USH1C: variants seen among roughly 807,000 people sequenced by gnomAD.
The protein encoded by USH1C is harmonin.
A neutral mutation model predicts 119.3 loss-of-function variants in USH1C; 90 were observed. The ratio of observed to expected loss-of-function variants is 0.75; its 90% CI spans 0.64 to 0.90. The LOEUF is 0.90. USH1C is among the 40% of genes least tolerant of loss of function. USH1C has a pLI of 0.00. For missense variants in USH1C, 1,165 were observed against 1,167.7 expected (o/e 1.00, Z 0.03); for synonymous variants, 465 against 443.3 (o/e 1.05, Z -0.62).
Position 17,494,195 on chromosome 11 carries a change from C to T in USH1C, c.*137G>A, listed in dbSNP as rs1001900927. 1.6e-5 allele frequency: 18 copies of T among 1,146,122 alleles called. 1 individual carries two copies. The Admixed American group carries it at 3.0e-4, about 19-fold the overall frequency. 71.0% of individuals were successfully genotyped at this position (1,146,122 alleles called of 1,614,324 possible). A position where few individuals can be genotyped will look rare whatever the true frequency, so the allele number is the denominator to read the frequency against. On this transcript the variant is annotated 3_prime_UTR_variant, in exon 27 of 27. Transcript: ENST00000005226. Reference sequence around the variant, plus strand: ...AGCTGTTCCTTATCTGGCCCTGGTTCAGGGCCAAAGGGAGTTTGAGATTCC... The same window carrying T: ...AGCTGTTCCTTATCTGGCCCTGGTTTAGGGCCAAAGGGAGTTTGAGATTCC...
In USH1C at chr11:17,495,784, A is replaced by C; in HGVS notation, c.2547-107T>G. ...TGGGCTCCTGCCTCGGGTTCTGCCT[A>C]GCCCCTGGGTTCCAGAATTAGGAGC... is the stretch of plus-strand genomic sequence containing the variant. On this transcript the variant is annotated intron_variant, in intron 25 of 26. Transcript: ENST00000005226. 6.5e-6 allele frequency: 8 copies of C among 1,231,520 alleles called. No individual in the cohort carries two copies. The South Asian group carries it at 9.8e-5, about 15-fold the overall frequency. 76.3% of individuals were successfully genotyped at this position (1,231,520 alleles called of 1,614,324 possible). A position where few individuals can be genotyped will look rare whatever the true frequency, so the allele number is the denominator to read the frequency against.
At position 17,531,577 on chromosome 11, in the gene USH1C, C is replaced by G. The variant is rs1401481403; in HGVS notation, c.105-35G>C. On this transcript the variant is annotated intron_variant, in intron 2 of 26. Coordinates refer to ENST00000005226, the MANE Select transcript of USH1C (RefSeq NM_153676.4). The surrounding 1 kb of genome is among the most constrained non-coding windows in gnomAD (Gnocchi z 4.2). ...TGCCGGGAATGCCTGGAGCCTCACC[C>G]CTGGCCATGACCTCAGGCACCCAGG... 6.2e-7 allele frequency: 1 copy of G among 1,609,856 alleles called. No homozygotes were observed. The highest frequency in any genetic ancestry group is 8.5e-7 in the Non-Finnish European group (1 of 1,179,752).
intron 18 of USH1C, among the ~76,000 whole-genome samples, chr11:17,506,523 G>A (rs578242223): frequency 3.9e-5 from 6 of 152,264 alleles, no homozygotes; most frequent in East Asian, 1.9e-4. Flanking sequence ...CCCAGTGTCC[G>A]CATTGACTAC....
At chr11:17,505,713 A>G in intron 19 of USH1C, 117 bp downstream of exon 19, 1 of 1,464,532 alleles carries the variant, frequency 6.8e-7, no homozygotes, top group Non-Finnish European at 9.4e-7. Context: ...AAGAGATGGC[A>G]TCTGTGATCT....
intron 1 of USH1C, among the ~76,000 whole-genome samples, chr11:17,542,464 C>T (rs1416022145): frequency 6.6e-6 from 1 of 152,268 alleles, no homozygotes; most frequent in Non-Finnish European, 1.5e-5. Flanking sequence ...GGCGCCTGCC[C>T]TGCCTGCACA....
At chr11:17,501,323 G>A (rs1469147173) in intron 22 of USH1C, among the ~76,000 whole-genome samples, 159 bp downstream of exon 22, 6 of 152,152 alleles carry the variant, frequency 3.9e-5, no homozygotes, top group African/African-American at 9.7e-5. Flanking sequence ...CTGGGTATGC[G>A]GCCCTACAAC....
Position 17,496,872 on chromosome 11 carries a change from G to A in USH1C, c.2491-59C>T, listed in dbSNP as rs947425974. The A allele has an allele frequency of 7.8e-5, 124 of 1,594,304 alleles. No individual in the cohort carries two copies. In the Admixed American group the frequency reaches 1.8e-3, roughly 23 times the overall value. ...CTCAGTTGGATGGTGCATCTGCCCC[G>A]GCACTCCATCCCCATTTCTGGGCCC... On this transcript the variant is annotated intron_variant, in intron 24 of 26. Coordinates refer to ENST00000005226, the MANE Select transcript of USH1C (RefSeq NM_153676.4).
At chr11:17,521,237 G>A in intron 13 of USH1C, 109 bp downstream of exon 13, 1 of 1,223,176 alleles carries the variant, frequency 8.2e-7, no homozygotes. Context: ...GACCCACCAG[G>A]GGATGAGAGA....
intron 21 of USH1C, 121 bp downstream of exon 21, chr11:17,501,818 C>T (rs1044057759): frequency 1.7e-6 from 2 of 1,188,936 alleles, no homozygotes; most frequent in East Asian, 2.3e-5. Flanking sequence ...ACTGGGGCTC[C>T]TCTGTGCCCC....
At chr11:17,523,342 A>G in intron 10 of USH1C, 75 bp from the exon 11 acceptor site, 1 of 1,613,820 alleles carries the variant, frequency 6.2e-7, no homozygotes, top group Non-Finnish European at 8.5e-7. Flanking sequence ...AGAAGGCCCC[A>G]GGCTCCAGGG....
rs1850164194 is a variant in USH1C, at chr11:17,516,740, G to A, written c.1211-450C>T. On this transcript the variant is annotated intron_variant, in intron 14 of 26. Coordinates refer to ENST00000005226, the MANE Select transcript of USH1C (RefSeq NM_153676.4). ...GGAGCCTGGGTGTCTGCCTAGAACT[G>A]TTGTTCGACAGAACAAAACTGGCTT... 2.1e-5 allele frequency: 6 copies of A among 279,164 alleles called. No individual in the cohort carries two copies. In the South Asian group the frequency reaches 2.6e-4, roughly 12 times the overall value. 17.3% of individuals were successfully genotyped at this position (279,164 alleles called of 1,614,324 possible).
chr11:17,506,024 C>T, intron 18 of USH1C, 75 bp from the exon 19 acceptor site: 1 of 1,605,770 alleles, frequency 6.2e-7, no homozygotes, highest in Admixed American at 1.7e-5. Flanking sequence ...TACTTCTACA[C>T]ACATGCAAAT....
chr11:17,504,707 GAAAAA>G lies in USH1C; in HGVS notation c.2134-15_2134-11del. ...TCAACATCTCCTGTGGCTGCCAGAG[GAAAAA>G]AAAAAAAGTTCCACATTGGATGTTA... On this transcript the variant is annotated splice_polypyrimidine_tract_variant and intron_variant, in intron 19 of 26. Transcript: ENST00000005226. 7.9e-7 allele frequency: 1 copy of G among 1,271,226 alleles called. No individual in the cohort carries two copies. The highest frequency in any genetic ancestry group is 1.1e-6 in the Non-Finnish European group (1 of 917,584). 78.7% of individuals were successfully genotyped at this position (1,271,226 alleles called of 1,614,324 possible). A position where few individuals can be genotyped will look rare whatever the true frequency, so the allele number is the denominator to read the frequency against.
At chr11:17,528,561 C>A (rs1850818420) in intron 4 of USH1C, among the ~76,000 whole-genome samples, 1 of 152,236 alleles carries the variant, frequency 6.6e-6, no homozygotes, top group Admixed American at 6.5e-5. Context: ...CGTGCTCACC[C>A]TTTGGAGACG....
intron 18 of USH1C, among the ~76,000 whole-genome samples, chr11:17,508,065 C>G (rs1402409359): frequency 6.6e-6 from 1 of 152,226 alleles, no homozygotes; most frequent in African/African-American, 2.4e-5. Context: ...AGAGAGGCCC[C>G]AGGCAGGTAC....
At chr11:17,521,069 C>T in intron 13 of USH1C, 75 bp from the exon 14 acceptor site, 2 of 1,595,478 alleles carry the variant, frequency 1.3e-6, no homozygotes, top group Non-Finnish European at 1.7e-6. Flanking sequence ...CGGAGAGCCC[C>T]AGCCAGCCTG....
At chr11:17,515,486 A>G (rs7119876) in intron 15 of USH1C, among the ~76,000 whole-genome samples, 26,380 of 152,104 alleles carry the variant, frequency 0.17, 2,725 homozygotes, top group South Asian at 0.29. Flanking sequence ...GGGGACTGAC[A>G]TCTTGCCAGA....
At chr11:17,538,129 C>A (rs1851303362) in intron 1 of USH1C, among the ~76,000 whole-genome samples, 1 of 152,200 alleles carries the variant, frequency 6.6e-6, no homozygotes, top group South Asian at 2.1e-4. Context: ...CACAGAAGCC[C>A]TAAAGGAGCC....
rs200490320 is a variant in USH1C at position 17,521,007 on chromosome 11, C to A, written c.1086-13G>T. On this transcript the variant is annotated splice_polypyrimidine_tract_variant and intron_variant, in intron 13 of 26. Transcript: ENST00000005226. The stretch of plus-strand genomic sequence containing the variant: ...CTCCTCTACAATCCTAAAATGAGAC[C>A]CCCATGCCTGTTACTGGAGTCAGAA... The A allele has an allele frequency of 1.1e-3, 1,725 of 1,613,782 alleles. 4 individuals carry two copies. Among genetic ancestry groups the A allele is most frequent in the Non-Finnish European group, 1.4e-3 (1,648 of 1,179,916 alleles).
Sources: allele counts gnomAD v4.1 joint callset (sites outside exome capture counted in the v4.1 genomes callset), GRCh38; gene constraint gnomAD v4.1.1; non-coding constraint Gnocchi (gnomAD v3.1); transcripts MANE v1.5; gene names NCBI Gene and HGNC (gene_info 2026-07-23, HGNC 2026-07-21).